The following BEND6 variants were observed in gnomAD, a reference collection of about 807,000 sequenced individuals.
BEND6 encodes the protein BEN domain containing 6, also known as BEN domain-containing protein 6.
Under a neutral mutation model 31.8 loss-of-function variants are expected in BEND6, and 24 were observed. The ratio of observed to expected loss-of-function variants is 0.75; its 90% CI spans 0.55 to 1.06. The LOEUF (loss-of-function observed/expected upper bound fraction) is 1.06, where lower values mean the gene tolerates loss of function less well. Ranked by LOEUF, BEND6 falls within the 50% of genes least tolerant of loss-of-function variation. The probability of loss-of-function intolerance (pLI) is 0.00; values close to 1 mark genes in which losing one functional copy is unlikely to be tolerated. For missense variants in BEND6, 294 were observed against 327.4 expected, an observed-to-expected ratio of 0.90 and a Z score of 0.79; for synonymous variants, 109 against 114.6, an observed-to-expected ratio of 0.95 and a Z score of 0.31.
chr6:56,991,792 A>G lies in BEND6; in HGVS notation c.121-586A>G, dbSNP rs573487005. 2.4e-3 allele frequency among the ~76,000 whole-genome samples: 362 copies of G among 152,194 alleles called. 4 individuals carry two copies. The highest frequency in any genetic ancestry group is 8.1e-3 in the African/African-American group (338 of 41,530). On this transcript the variant is annotated intron_variant, in intron 2 of 6. Coordinates refer to ENST00000370746, the MANE Select transcript of BEND6 (RefSeq NM_152731.3). Reference sequence around the variant, plus strand: ...ATATAAAAAATAAAACCTCACCAGCACCCCAAAGATTCCCTCACGTCCCCT... The same window carrying G: ...ATATAAAAAATAAAACCTCACCAGCGCCCCAAAGATTCCCTCACGTCCCCT...
intron 3 of BEND6, among the ~76,000 whole-genome samples, chr6:57,000,900 A>G (rs954551889): frequency 4.6e-5 from 7 of 151,782 alleles, no homozygotes; most frequent in South Asian, 2.1e-4. Context: ...AAAAAAAAAA[A>G]AAGAAGTGCA....
chr6:57,007,514 A>G (rs1827201152), intron 3 of BEND6, among the ~76,000 whole-genome samples: 1 of 152,154 alleles, frequency 6.6e-6, no homozygotes, highest in African/African-American at 2.4e-5. Context: ...CAGGCAACAA[A>G]AGCAAAAATA....
intron 3 of BEND6, chr6:57,008,247 A>T (rs9396251): frequency 1.4e-6 from 1 of 702,606 alleles, no homozygotes. Context: ...TGTTACCTTG[A>T]CTCATCTCAG....
At chr6:57,008,650 A>G (rs112904730) in intron 3 of BEND6, 4,057 of 155,406 alleles carry the variant, frequency 0.026, 169 homozygotes, top group African/African-American at 0.09. Context: ...GCCAACAGGT[A>G]TATGAAAAAA....
At chr6:57,000,140 G>C (rs564259038) in intron 3 of BEND6, among the ~76,000 whole-genome samples, 1 of 151,926 alleles carries the variant, frequency 6.6e-6, no homozygotes, top group Non-Finnish European at 1.5e-5. Context: ...CGGTTTTGTC[G>C]AAAAGAAAAG....
intron 1 of BEND6, among the ~76,000 whole-genome samples, chr6:56,960,206 G>C (rs1469805934): frequency 6.6e-6 from 1 of 152,116 alleles, no homozygotes; most frequent in African/African-American, 2.4e-5. Flanking sequence ...TGGAAAATTT[G>C]AGAACTGTTC....
At chr6:56,974,423 T>C (rs1312488439) in intron 1 of BEND6, among the ~76,000 whole-genome samples, 2 of 152,210 alleles carry the variant, frequency 1.3e-5, no homozygotes, top group Admixed American at 6.5e-5. Flanking sequence ...TTTAAGAAGT[T>C]TTTAAAAGTC....
chr6:57,006,061 A>G (rs1180478161), intron 3 of BEND6, among the ~76,000 whole-genome samples: 1 of 152,202 alleles, frequency 6.6e-6, no homozygotes, highest in East Asian at 1.9e-4. Context: ...GAAGAGGTAA[A>G]AATATGAAGA....
intron 3 of BEND6, chr6:57,008,367 T>A: frequency 1.6e-6 from 1 of 628,066 alleles, no homozygotes; most frequent in Non-Finnish European, 2.8e-6. Flanking sequence ...ATTTCTAGCT[T>A]TGATGTCTGG....
At chr6:56,996,269 A>G (rs917859341) in intron 3 of BEND6, among the ~76,000 whole-genome samples, 3 of 152,058 alleles carry the variant, frequency 2.0e-5, no homozygotes, top group African/African-American at 7.2e-5. Context: ...CAACGTGACA[A>G]AACTCCATCT....
chr6:56,984,117 A>C (rs1826167699), intron 2 of BEND6, among the ~76,000 whole-genome samples: 1 of 152,062 alleles, frequency 6.6e-6, no homozygotes, highest in Non-Finnish European at 1.5e-5. Flanking sequence ...GCTACTTGGG[A>C]GGTTGAGGTG....
At chr6:56,966,423 G>A (rs1202095434) in intron 1 of BEND6, among the ~76,000 whole-genome samples, 1 of 152,052 alleles carries the variant, frequency 6.6e-6, no homozygotes, top group African/African-American at 2.4e-5. Context: ...AAATATGAGG[G>A]AAGGCACATA....
At chr6:57,001,283 T>A (rs6915492) in intron 3 of BEND6, among the ~76,000 whole-genome samples, 29,880 of 151,090 alleles carry the variant, frequency 0.2, 3,143 homozygotes, top group Middle Eastern at 0.22. Flanking sequence ...TCCACCTCAC[T>A]CTCCCAAGTA....
At chr6:56,976,178 G>T in intron 1 of BEND6, 1 of 176,654 alleles carries the variant, frequency 5.7e-6, no homozygotes. Context: ...AAGAAAAGAA[G>T]ATAAAATTAG....
At chr6:57,015,442 G>T in intron 4 of BEND6, 89 bp downstream of exon 4, 1 of 1,172,246 alleles carries the variant, frequency 8.5e-7, no homozygotes, top group Non-Finnish European at 1.2e-6. Context: ...TGTTTTATCA[G>T]ATAACTATTG....
chr6:57,008,231 T>C (rs753515420), intron 3 of BEND6: 8 of 702,812 alleles, frequency 1.1e-5, no homozygotes, highest in Non-Finnish European at 2.1e-5. Flanking sequence ...TTCAAACAGC[T>C]GCCTCTGTTA....
chr6:56,983,186 T>A (rs1415232973), intron 2 of BEND6, among the ~76,000 whole-genome samples: 2 of 152,236 alleles, frequency 1.3e-5, no homozygotes, highest in Non-Finnish European at 2.9e-5. Context: ...TTTTATTGTG[T>A]ATATTTCAGG....
rs988236173 is a variant in BEND6 at position 56,971,753 on chromosome 6, G to A, written c.-100-9958G>A. ...AGCACCTTTTCATGTGATATTGGCC[G>A]GCCATTTGTATATCTTCTATGGAAA... On this transcript the variant is annotated intron_variant, in intron 1 of 6. Coordinates refer to ENST00000370746, the MANE Select transcript of BEND6 (RefSeq NM_152731.3). 2.6e-4 allele frequency among the ~76,000 whole-genome samples: 40 copies of A among 151,986 alleles called. 1 individual carries two copies. Among genetic ancestry groups the A allele is most frequent in the African/African-American group, 7.5e-4 (31 of 41,374 alleles).
chr6:57,016,016 TG>T lies in BEND6; in HGVS notation c.519+666del, dbSNP rs1827548407. On this transcript the variant is annotated intron_variant, in intron 4 of 6. Transcript: ENST00000370746. Reference sequence around the variant, plus strand: ...CCCAGTTTAGAAAATTAAAGCAAATTGGGTACAAAGATAAAGTTATTAAACT... The same window carrying T: ...CCCAGTTTAGAAAATTAAAGCAAATTGGTACAAAGATAAAGTTATTAAACT... Among the ~76,000 whole-genome samples, 5 of 152,104 alleles carry T rather than the reference TG, an allele frequency of 3.3e-5. No homozygotes were observed. In the South Asian group the frequency reaches 1.0e-3, roughly 32 times the overall value.
Sources: allele counts gnomAD v4.1 joint callset (sites outside exome capture counted in the v4.1 genomes callset), GRCh38; gene constraint gnomAD v4.1.1; transcripts MANE v1.5; gene names NCBI Gene and HGNC (gene_info 2026-07-23, HGNC 2026-07-21).